The following SLC28A3 variants were observed in gnomAD, a reference collection of about 807,000 sequenced individuals.
SLC28A3 encodes the protein solute carrier family 28 member 3.
SLC28A3 carries 68 observed loss-of-function variants against 84.2 expected under a neutral mutation model. That is an observed-to-expected ratio of 0.81 (90% CI 0.66 to 0.99). The LOEUF (loss-of-function observed/expected upper bound fraction) is 0.99, where lower values mean the gene tolerates loss of function less well. Among genes scored for constraint, SLC28A3 ranks in the 50% least tolerant of loss-of-function variants. The probability of loss-of-function intolerance (pLI) is 0.00; values close to 1 mark genes in which losing one functional copy is unlikely to be tolerated. For synonymous variants in SLC28A3, 267 were observed against 303.6 expected, an observed-to-expected ratio of 0.88 and a Z score of 1.25; for missense variants, 712 against 841.5, an observed-to-expected ratio of 0.85 and a Z score of 1.90.
chr9:84,279,923 A>T, intron 16 of SLC28A3, 52 bp downstream of exon 16: 1 of 1,574,184 alleles, frequency 6.4e-7, no homozygotes, highest in Non-Finnish European at 8.7e-7. Context: ...CCTGTCCTGA[A>T]AGCTGCCATT....
At chr9:84,337,798 A>C (rs1349418561) in intron 1 of SLC28A3, among the ~76,000 whole-genome samples, 2 of 152,172 alleles carry the variant, frequency 1.3e-5, no homozygotes, top group Non-Finnish European at 2.9e-5. Flanking sequence ...GATTAGAAAA[A>C]AAAAACCCTA....
intron 2 of SLC28A3, chr9:84,310,447 G>T (rs1825951183): frequency 1.0e-6 from 1 of 985,260 alleles, no homozygotes; most frequent in Admixed American, 6.2e-5. Flanking sequence ...CAAATAATAA[G>T]CCTGGCTCTT....
In SLC28A3 at chr9:84,331,142, G is replaced by A. The variant is rs547861577; in HGVS notation, c.60+9432C>T. Among the ~76,000 whole-genome samples the A allele has an allele frequency of 7.9e-5, 12 of 152,268 alleles. No homozygotes were observed. In the East Asian group the frequency reaches 1.3e-3, roughly 17 times the overall value. ...CTACACTGTTTTCCCCTAAAAATAA[G>A]TCTAGGTGTGATCATGCAAACTTGA... On this transcript the variant is annotated intron_variant, in intron 1 of 17. Transcript: ENST00000376238.
rs1825657855 is a variant in SLC28A3, at chr9:84,302,208, C to A, written c.516G>T (p.Trp172Cys). ...GRRLLNSHWF[W>C]LKWVIWSSLV... The stretch of plus-strand genomic sequence containing the variant: ...GAACCAATTGCATTTACCACTTCAG[C>A]CAGAACCAATGGCTGTTTAGAAGCC... Residue 172 changes from tryptophan (W) to cysteine (C), a missense_variant, in exon 5 of 18, where the codon TGG becomes TGT. By Grantham distance (215) the Trp-to-Cys change is radical. Transcript: ENST00000376238. 1 of 1,613,998 alleles carries A rather than the reference C, an allele frequency of 6.2e-7. No individual in the cohort carries two copies. The highest frequency in any genetic ancestry group is 2.2e-5 in the East Asian group (1 of 44,876).
intron 1 of SLC28A3, among the ~76,000 whole-genome samples, chr9:84,322,945 G>A (rs867160746): frequency 2.4e-4 from 37 of 152,296 alleles, no homozygotes; most frequent in African/African-American, 7.9e-4. Flanking sequence ...AATAACTTTG[G>A]AAAGTCCTTT....
At chr9:84,334,429 G>A (rs1168796703) in intron 1 of SLC28A3, among the ~76,000 whole-genome samples, 2 of 152,160 alleles carry the variant, frequency 1.3e-5, no homozygotes, top group Admixed American at 1.3e-4. Context: ...AGAAAAGCAA[G>A]GAAGTAATTG....
the SLC28A3 span, among the ~76,000 whole-genome samples, chr9:84,358,772 A>G: frequency 6.6e-6 from 1 of 152,096 alleles, no homozygotes. Context: ...AAAATACTGA[A>G]CTGGAAAGAA....
At chr9:84,366,776 G>A in the SLC28A3 span, among the ~76,000 whole-genome samples, 2 of 152,170 alleles carry the variant, frequency 1.3e-5, no homozygotes, top group Non-Finnish European at 2.9e-5. Context: ...CCTAAAGCTG[G>A]GGGTGGAGCG....
At chr9:84,335,130 C>T (rs1826926339) in intron 1 of SLC28A3, among the ~76,000 whole-genome samples, 1 of 152,208 alleles carries the variant, frequency 6.6e-6, no homozygotes, top group African/African-American at 2.4e-5. Flanking sequence ...ATGCTACAAG[C>T]TTCCTACTTC....
the SLC28A3 span, among the ~76,000 whole-genome samples, chr9:84,353,608 G>T: frequency 6.6e-6 from 1 of 152,174 alleles, no homozygotes. Flanking sequence ...TACTTGGGAG[G>T]CTGAGGCAGG....
intron 14 of SLC28A3, among the ~76,000 whole-genome samples, chr9:84,281,572 TG>T (rs1204010204): frequency 6.6e-6 from 1 of 152,236 alleles, no homozygotes; most frequent in Non-Finnish European, 1.5e-5. Flanking sequence ...TGAAACAGTA[TG>T]GAAGTTTCTT....
At chr9:84,287,500 C>CT (rs1330591432) in intron 12 of SLC28A3, among the ~76,000 whole-genome samples, 1 of 152,116 alleles carries the variant, frequency 6.6e-6, no homozygotes, top group Non-Finnish European at 1.5e-5. Flanking sequence ...CATAAACACT[C>CT]TGCTATATTT....
At chr9:84,288,375 G>A (rs1036858451) in intron 11 of SLC28A3, among the ~76,000 whole-genome samples, 197 bp from the exon 12 acceptor site, 5 of 152,066 alleles carry the variant, frequency 3.3e-5, no homozygotes, top group Non-Finnish European at 5.9e-5. Context: ...AGAGGCTGAG[G>A]GATAAGGGAG....
chr9:84,300,783 C>T (rs1171828235), intron 5 of SLC28A3, among the ~76,000 whole-genome samples: 4 of 152,170 alleles, frequency 2.6e-5, no homozygotes. Flanking sequence ...CTTCACAGGC[C>T]CTTCCTCCCA....
chr9:84,308,129 T>C lies in SLC28A3; in HGVS notation c.242+1500A>G, dbSNP rs28736884. Among the ~76,000 whole-genome samples, 1,266 of 152,284 alleles carry C rather than the reference T, an allele frequency of 8.3e-3. 18 individuals are homozygous for C. The highest frequency in any genetic ancestry group is 0.029 in the African/African-American group (1,185 of 41,558). Reference sequence around the variant, plus strand: ...ACAAAGTTCCTCCTGTAGTCCCAGCTACTTGCGAGGCTGAGGTGGGAGGAT... The same window carrying C: ...ACAAAGTTCCTCCTGTAGTCCCAGCCACTTGCGAGGCTGAGGTGGGAGGAT... On this transcript the variant is annotated intron_variant, in intron 3 of 17. Coordinates refer to ENST00000376238, the MANE Select transcript of SLC28A3 (RefSeq NM_001199633.2).
intron 8 of SLC28A3, among the ~76,000 whole-genome samples, chr9:84,296,533 C>CAT (rs1447951693): frequency 6.6e-6 from 1 of 152,208 alleles, no homozygotes. Context: ...GTTTCTGACT[C>CAT]ATTGACAAGT....
intron 1 of SLC28A3, among the ~76,000 whole-genome samples, chr9:84,334,179 T>G (rs756771201): frequency 6.6e-6 from 1 of 152,124 alleles, no homozygotes; most frequent in Non-Finnish European, 1.5e-5. Context: ...CATGCCTGTA[T>G]TCCCAGCTAC....
chr9:84,290,222 G>A lies in SLC28A3; in HGVS notation c.1081C>T (p.His361Tyr), dbSNP rs368457915. ...YLPYITKSEL[H>Y]AIMTAGFSTI... ...GAGAACCCGGCGGTCATGATGGCGT[G>A]GAGTTCAGACTTGGTGATGTAAGGT... Residue 361 changes from histidine to tyrosine, a missense_variant, in exon 11 of 18, where the codon CAC (histidine) becomes TAC (tyrosine). By Grantham distance (83) the His-to-Tyr change is moderately conservative (BLOSUM62 2). Coordinates refer to ENST00000376238, the MANE Select transcript of SLC28A3 (RefSeq NM_001199633.2). 6.2e-6 allele frequency: 10 copies of A among 1,613,996 alleles called. No homozygotes were observed. In the East Asian group the frequency reaches 2.2e-4, roughly 36 times the overall value.
chr9:84,302,942 A>G (rs148168824), intron 4 of SLC28A3, among the ~76,000 whole-genome samples: 172 of 152,350 alleles, frequency 1.1e-3, no homozygotes, highest in African/African-American at 4.0e-3. Context: ...GATAAGAATA[A>G]GGTTTCCTAT....
Sources: allele counts gnomAD v4.1 joint callset (sites outside exome capture counted in the v4.1 genomes callset), GRCh38; gene constraint gnomAD v4.1.1; transcripts MANE v1.5; gene names NCBI Gene and HGNC (gene_info 2026-07-23, HGNC 2026-07-21).